The following RABGAP1L variants were observed in gnomAD, a reference collection of about 807,000 sequenced individuals.
RABGAP1L encodes RAB GTPase activating protein 1 like.
A neutral mutation model predicts 137.7 loss-of-function variants in RABGAP1L; 63 were observed. The ratio of observed to expected loss-of-function variants is 0.46; its 90% confidence interval spans 0.37 to 0.56. The LOEUF (loss-of-function observed/expected upper bound fraction) is 0.56. RABGAP1L is among the 20% of genes least tolerant of loss of function. The pLI is 0.00. For missense variants in RABGAP1L, 1,095 were observed against 1,244.0 expected (o/e 0.88, Z 1.80); for synonymous variants, 431 against 433.7 (o/e 0.99, Z 0.08).
At chr1:174,539,731 T>A (rs1048295610) in intron 13 of RABGAP1L, among the ~76,000 whole-genome samples, 1 of 152,244 alleles carries the variant, frequency 6.6e-6, no homozygotes, top group Non-Finnish European at 1.5e-5. Flanking sequence ...TGTGCTATTG[T>A]GAATAGTGCC....
At chr1:174,366,738 G>A (rs57425860) in intron 11 of RABGAP1L, among the ~76,000 whole-genome samples, 10,651 of 142,018 alleles carry the variant, frequency 0.075, 571 homozygotes, top group East Asian at 0.33. Context: ...TGGTGCCACT[G>A]CACTCCAGCC....
intron 18 of RABGAP1L, chr1:174,756,921 C>A: frequency 1.3e-6 from 1 of 745,898 alleles, no homozygotes; most frequent in South Asian, 1.3e-5. Context: ...TTGGCACCAC[C>A]AGTGTCCCTC....
At chr1:174,366,721 G>A (rs1341730484) in intron 11 of RABGAP1L, among the ~76,000 whole-genome samples, 3 of 146,476 alleles carry the variant, frequency 2.0e-5, no homozygotes, top group Non-Finnish European at 4.5e-5. Flanking sequence ...GTTGCAGTGA[G>A]CCGAGATGGT....
At chr1:174,510,723 G>A (rs1029966537) in intron 13 of RABGAP1L, among the ~76,000 whole-genome samples, 2 of 152,048 alleles carry the variant, frequency 1.3e-5, no homozygotes, top group African/African-American at 2.4e-5. Flanking sequence ...ACCCAAACAT[G>A]TACTGAAGGA....
intron 18 of RABGAP1L, among the ~76,000 whole-genome samples, chr1:174,755,703 T>A (rs1684693571): frequency 6.6e-6 from 1 of 152,186 alleles, no homozygotes; most frequent in African/African-American, 2.4e-5. Context: ...TATACACATA[T>A]GTATATATGT....
At chr1:174,177,313 C>G (rs995589074) in intron 1 of RABGAP1L, among the ~76,000 whole-genome samples, 3 of 152,056 alleles carry the variant, frequency 2.0e-5, no homozygotes, top group African/African-American at 7.2e-5. Flanking sequence ...CCTTCGCCTA[C>G]TTTTGATGGG....
At chr1:174,951,020 G>A (rs1667624751) in intron 19 of RABGAP1L, among the ~76,000 whole-genome samples, 2 of 152,180 alleles carry the variant, frequency 1.3e-5, no homozygotes, top group South Asian at 2.1e-4. Flanking sequence ...ACTGAGCACA[G>A]GAGAAATGCT....
intron 13 of RABGAP1L, among the ~76,000 whole-genome samples, chr1:174,622,738 A>G (rs1277086712): frequency 6.6e-6 from 1 of 152,208 alleles, no homozygotes; most frequent in Admixed American, 6.5e-5. Context: ...TAGCATTAGG[A>G]AATATACCTA....
At chr1:174,799,750 C>T (rs1688557401) in intron 18 of RABGAP1L, 3 of 755,778 alleles carry the variant, frequency 4.0e-6, no homozygotes, top group Non-Finnish European at 4.8e-6. Context: ...TACTGATTCA[C>T]AGCGAGAGGC....
At chr1:174,205,428 G>A (rs560766642) in intron 1 of RABGAP1L, among the ~76,000 whole-genome samples, 13 of 151,910 alleles carry the variant, frequency 8.6e-5, no homozygotes, top group African/African-American at 3.1e-4. Flanking sequence ...GGATTTTTTT[G>A]GTTGGTAGAC....
intron 13 of RABGAP1L, among the ~76,000 whole-genome samples, chr1:174,538,964 C>T (rs1665123879): frequency 2.0e-5 from 3 of 152,084 alleles, no homozygotes; most frequent in Admixed American, 2.0e-4. Context: ...TGTTGAGAGT[C>T]TAGGCACTAG....
intron 13 of RABGAP1L, among the ~76,000 whole-genome samples, chr1:174,598,669 C>G (rs890650478): frequency 6.6e-6 from 1 of 151,988 alleles, no homozygotes; most frequent in African/African-American, 2.4e-5. Context: ...CTTTTGGTCT[C>G]TTTTCATAGT....
intron 10 of RABGAP1L, among the ~76,000 whole-genome samples, chr1:174,295,555 T>G (rs1454502686): frequency 6.6e-6 from 1 of 152,020 alleles, no homozygotes; most frequent in Non-Finnish European, 1.5e-5. Flanking sequence ...GCTAATTTTT[T>G]TTGTATTTTT....
At chr1:174,288,839 A>G (rs1170812493) in intron 10 of RABGAP1L, among the ~76,000 whole-genome samples, 3 of 151,726 alleles carry the variant, frequency 2.0e-5, no homozygotes, top group African/African-American at 7.3e-5. Context: ...TGGAATGCTT[A>G]TGTTGTTTTG....
intron 18 of RABGAP1L, among the ~76,000 whole-genome samples, chr1:174,794,675 G>T (rs1012859365): frequency 1.3e-5 from 2 of 152,008 alleles, no homozygotes; most frequent in Non-Finnish European, 2.9e-5. Context: ...TTTTGTCTAG[G>T]CCCATCCCAG....
At chr1:174,434,054 C>T (rs1652950600) in intron 13 of RABGAP1L, among the ~76,000 whole-genome samples, 1 of 151,428 alleles carries the variant, frequency 6.6e-6, no homozygotes, top group Admixed American at 6.6e-5. Context: ...TCCCTCATAC[C>T]TCTTGCCAGT....
chr1:174,241,530 A>G lies in RABGAP1L; in HGVS notation c.590A>G (p.Tyr197Cys), dbSNP rs143661013. The G allele has an allele frequency of 3.8e-5, 61 of 1,611,812 alleles. No individual in the cohort carries two copies. In the East Asian group the frequency reaches 4.0e-4, roughly 11 times the overall value. The stretch of plus-strand genomic sequence containing the variant: ...GTGGAGATAGCATCTTTTCCAATCT[A>G]TAAGGTGTTATTCTGTGCACGTGGA... ...SNVEIASFPI[Y>C]KVLFCARGHD... Residue 197 changes from tyrosine to cysteine, a missense_variant, in exon 5 of 26, where the codon TAT (tyrosine) becomes TGT (cysteine). By Grantham distance (194) the Tyr-to-Cys change is radical. Transcript: ENST00000681986.
At chr1:174,603,515 T>A (rs1314918037) in intron 13 of RABGAP1L, among the ~76,000 whole-genome samples, 1 of 152,146 alleles carries the variant, frequency 6.6e-6, no homozygotes, top group Non-Finnish European at 1.5e-5. Flanking sequence ...GGGCCAGGAA[T>A]CAGGAACCTT....
At chr1:174,754,705 T>G (rs190912578) in intron 18 of RABGAP1L, among the ~76,000 whole-genome samples, 18 of 152,278 alleles carry the variant, frequency 1.2e-4, no homozygotes, top group Non-Finnish European at 2.1e-4. Context: ...TCTCACTATG[T>G]TGCTCAGGCT....
Sources: allele counts gnomAD v4.1 joint callset (sites outside exome capture counted in the v4.1 genomes callset), GRCh38; gene constraint gnomAD v4.1.1; transcripts MANE v1.5; gene names NCBI Gene and HGNC (gene_info 2026-07-23, HGNC 2026-07-21).